WWOX: variants seen among roughly 807,000 people sequenced by gnomAD.
The protein encoded by WWOX is WW domain containing oxidoreductase, also known as WW domain-containing oxidoreductase.
WWOX carries 69 observed loss-of-function variants against 46.2 expected under a neutral mutation model. The ratio of observed to expected loss-of-function variants is 1.49; its 90% confidence interval spans 1.23 to 1.82. WWOX has a LOEUF of 1.82. WWOX is among the 40% of genes most tolerant of loss of function. WWOX has a pLI of 0.00. For missense variants in WWOX, 919 were observed against 542.6 expected (o/e 1.69, Z -6.89); for synonymous variants, 359 against 202.6 (o/e 1.77, Z -6.56).
chr16:78,704,683 T>C (rs1022828335), intron 8 of WWOX, among the ~76,000 whole-genome samples: 3 of 152,182 alleles, frequency 2.0e-5, no homozygotes, highest in African/African-American at 4.8e-5. Flanking sequence ...TTATGACATG[T>C]TAAAACTGTG....
chr16:78,913,287 T>A (rs2045159071), intron 8 of WWOX, among the ~76,000 whole-genome samples: 1 of 151,976 alleles, frequency 6.6e-6, no homozygotes, highest in Non-Finnish European at 1.5e-5. Flanking sequence ...CAAGCCCGTT[T>A]TTTGCCTCTT....
rs138323000 is a variant in WWOX, at chr16:78,707,654, G to T, written c.1056+274902G>T. 5.1e-4 allele frequency among the ~76,000 whole-genome samples: 77 copies of T among 152,018 alleles called. 1 individual carries two copies. The highest frequency in any genetic ancestry group is 7.3e-5 in the Non-Finnish European group (5 of 68,034). On this transcript the variant is annotated intron_variant, in intron 8 of 8. Coordinates refer to ENST00000566780, the MANE Select transcript of WWOX (RefSeq NM_016373.4). ...TCCCAGGGCTTTGGGAGACTAAGGC[G>T]GGTGGATCACTTGAGGTCAGGCATT...
At chr16:78,837,761 C>T (rs2052028942) in intron 8 of WWOX, among the ~76,000 whole-genome samples, 1 of 152,056 alleles carries the variant, frequency 6.6e-6, no homozygotes, top group African/African-American at 2.4e-5. Context: ...TAACAATAGC[C>T]ACCATCTATC....
At chr16:79,015,793 C>T (rs1339918038) in intron 8 of WWOX, among the ~76,000 whole-genome samples, 1 of 146,486 alleles carries the variant, frequency 6.8e-6, no homozygotes, top group African/African-American at 2.7e-5. Context: ...CGCTCTGTCG[C>T]CAAGGTGGAG....
rs374988761 is a variant in WWOX, at chr16:78,854,014, T to C, written c.1057-357594T>C. The stretch of plus-strand genomic sequence containing the variant: ...TGAACAGAGGAAATGAAAAATAAAA[T>C]TGTCTGTTGTACCACCACCTGAAGA... On this transcript the variant is annotated intron_variant, in intron 8 of 8. Coordinates refer to ENST00000566780, the MANE Select transcript of WWOX (RefSeq NM_016373.4). Among the ~76,000 whole-genome samples, 166 of 152,318 alleles carry C rather than the reference T, an allele frequency of 1.1e-3. 3 individuals are homozygous for C. The South Asian group carries it at 0.016, about 14-fold the overall frequency.
intron 8 of WWOX, among the ~76,000 whole-genome samples, chr16:79,052,680 G>A (rs545714735): frequency 9.8e-4 from 149 of 152,250 alleles, no homozygotes; most frequent in Non-Finnish European, 1.8e-3. Flanking sequence ...GAGTACACGT[G>A]TCAGGTTATA....
At chr16:79,022,014 T>C (rs2047543766) in intron 8 of WWOX, among the ~76,000 whole-genome samples, 1 of 152,206 alleles carries the variant, frequency 6.6e-6, no homozygotes, top group Admixed American at 6.5e-5. Flanking sequence ...GGGATTGATA[T>C]TGACCAGCTT....
chr16:79,114,974 C>A (rs140761796), intron 8 of WWOX, among the ~76,000 whole-genome samples: 1 of 152,198 alleles, frequency 6.6e-6, no homozygotes, highest in Non-Finnish European at 1.5e-5. Context: ...ACAATTAGCT[C>A]GCCCACAGGA....
At chr16:79,171,455 T>G (rs867379808) in intron 8 of WWOX, among the ~76,000 whole-genome samples, 2 of 152,168 alleles carry the variant, frequency 1.3e-5, no homozygotes, top group African/African-American at 4.8e-5. Flanking sequence ...TTATAAGAAG[T>G]TTTTTGTCGG....
intron 8 of WWOX, among the ~76,000 whole-genome samples, chr16:78,908,268 G>A (rs745532314): frequency 4.7e-4 from 72 of 152,088 alleles, no homozygotes; most frequent in Non-Finnish European, 9.0e-4. Context: ...GTCCAGGCAC[G>A]GTGGCTCATG....
chr16:79,045,145 G>A (rs983849585), intron 8 of WWOX, among the ~76,000 whole-genome samples: 7 of 152,166 alleles, frequency 4.6e-5, no homozygotes, highest in Non-Finnish European at 7.4e-5. Context: ...AAATTCTATC[G>A]CATTAACCTT....
chr16:78,757,125 C>G, intron 8 of WWOX: 1 of 671,436 alleles, frequency 1.5e-6, no homozygotes, highest in Non-Finnish European at 2.7e-6. Context: ...CTATCTAGAA[C>G]CACCGAGCTA....
chr16:78,451,926 T>C (rs2083698992), intron 8 of WWOX, among the ~76,000 whole-genome samples: 1 of 152,194 alleles, frequency 6.6e-6, no homozygotes. Context: ...TATAACGTAA[T>C]GTATTGTTGG....
chr16:78,648,683 G>C (rs1408455843), intron 8 of WWOX, among the ~76,000 whole-genome samples: 1 of 152,086 alleles, frequency 6.6e-6, no homozygotes, highest in African/African-American at 2.4e-5. Flanking sequence ...CCCACCTCCG[G>C]CTTCCCCATG....
chr16:78,792,435 C>G (rs2050630963), intron 8 of WWOX, among the ~76,000 whole-genome samples: 1 of 152,122 alleles, frequency 6.6e-6, no homozygotes, highest in African/African-American at 2.4e-5. Context: ...TCATTCTGGG[C>G]CAGAGCAAAT....
chr16:78,363,123 G>T (rs931000659), intron 5 of WWOX, among the ~76,000 whole-genome samples: 6 of 152,000 alleles, frequency 3.9e-5, no homozygotes, highest in African/African-American at 1.5e-4. Context: ...TTTCCGTCCA[G>T]TGGTCACTGT....
intron 8 of WWOX, chr16:78,898,486 C>T (rs1055422815): frequency 6.6e-6 from 1 of 152,094 alleles, no homozygotes; most frequent in African/African-American, 2.4e-5. Flanking sequence ...CTGTTGTACT[C>T]CATTGATCTA....
At chr16:78,644,437 T>TTTCAAA (rs2046793435) in intron 8 of WWOX, among the ~76,000 whole-genome samples, 1 of 151,908 alleles carries the variant, frequency 6.6e-6, no homozygotes, top group Non-Finnish European at 1.5e-5. Context: ...GGGAGCGTAT[T>TTTCAAA]TTCAAACCAA....
chr16:79,053,321 G>A (rs191971036), intron 8 of WWOX, among the ~76,000 whole-genome samples: 2 of 152,122 alleles, frequency 1.3e-5, no homozygotes, highest in South Asian at 2.1e-4. Flanking sequence ...GAATGAAGCC[G>A]TTTTAATGTG....
Sources: gnomAD v4.1 joint callset for allele counts (sites outside exome capture counted in the v4.1 genomes callset) on GRCh38, gnomAD v4.1.1 for gene constraint, MANE v1.5 for transcripts, NCBI Gene and HGNC (gene_info 2026-07-23, HGNC 2026-07-21) for gene names.